Variants in FHIT observed in about 807,000 individuals in gnomAD.
The protein encoded by FHIT is bis(5'-adenosyl)-triphosphatase.
A neutral mutation model predicts 17.9 loss-of-function variants in FHIT; 19 were observed. That is an observed-to-expected ratio of 1.06 (90% CI 0.74 to 1.56). The LOEUF (loss-of-function observed/expected upper bound fraction) is 1.56, where lower values mean the gene tolerates loss of function less well. Ranked by LOEUF, FHIT falls within the 40% of genes most tolerant of loss-of-function variation. The pLI, the probability that FHIT is intolerant of heterozygous loss-of-function variation, is 0.00. For missense variants in FHIT, 248 were observed against 189.2 expected (o/e 1.31, Z -1.82); for synonymous variants, 81 against 69.7 (o/e 1.16, Z -0.81).
chr3:61,125,126 GA>G (rs1318354910), intron 2 of FHIT, among the ~76,000 whole-genome samples: 1 of 152,002 alleles, frequency 6.6e-6, no homozygotes, highest in Non-Finnish European at 1.5e-5. Flanking sequence ...TCAAAAAACT[GA>G]AAAAAATGAT....
intron 5 of FHIT, among the ~76,000 whole-genome samples, chr3:60,021,514 A>G (rs914756124): frequency 2.6e-5 from 4 of 152,220 alleles, no homozygotes; most frequent in Non-Finnish European, 4.4e-5. Flanking sequence ...TATCTGGAAA[A>G]AAATATGCTC....
At chr3:60,789,011 A>G (rs1700678067) in intron 4 of FHIT, among the ~76,000 whole-genome samples, 1 of 151,910 alleles carries the variant, frequency 6.6e-6, no homozygotes, top group Non-Finnish European at 1.5e-5. Context: ...AACACTGGCT[A>G]AAGACATTCC....
chr3:60,652,081 C>T (rs1477705260), intron 4 of FHIT, among the ~76,000 whole-genome samples: 1 of 152,122 alleles, frequency 6.6e-6, no homozygotes, highest in Non-Finnish European at 1.5e-5. Context: ...GGAGGGCCGA[C>T]CTGCCTGGTT....
chr3:60,744,249 A>AAAAAAAAC (rs2042299078), intron 4 of FHIT, among the ~76,000 whole-genome samples: 1 of 67,234 alleles, frequency 1.5e-5, no homozygotes, highest in Non-Finnish European at 2.7e-5. Context: ...AGTAATGTAA[A>AAAAAAAAC]AAAAAAAACA....
intron 5 of FHIT, among the ~76,000 whole-genome samples, chr3:60,417,537 G>C (rs1268303330): frequency 6.6e-6 from 1 of 152,134 alleles, no homozygotes. Flanking sequence ...AAATATAATA[G>C]AAAAACTCAA....
chr3:59,893,337 T>C (rs992993496), intron 8 of FHIT, among the ~76,000 whole-genome samples: 1 of 152,162 alleles, frequency 6.6e-6, no homozygotes, highest in Non-Finnish European at 1.5e-5. Context: ...GGGAAATGCA[T>C]CTCCCTTCAG....
intron 5 of FHIT, among the ~76,000 whole-genome samples, chr3:60,501,489 C>T (rs1352837541): frequency 2.0e-5 from 3 of 152,160 alleles, no homozygotes; most frequent in Non-Finnish European, 4.4e-5. Context: ...TTCTCCAAAT[C>T]TTGACGGTCT....
chr3:60,555,385 T>C (rs1415480113), intron 4 of FHIT, among the ~76,000 whole-genome samples: 1 of 152,224 alleles, frequency 6.6e-6, no homozygotes, highest in Admixed American at 6.5e-5. Context: ...ATGCCTATTA[T>C]ACAACATTAA....
chr3:59,890,714 T>C (rs1222278738), intron 8 of FHIT, among the ~76,000 whole-genome samples: 1 of 152,194 alleles, frequency 6.6e-6, no homozygotes, highest in African/African-American at 2.4e-5. Flanking sequence ...AGAGAAATTA[T>C]AATAAAAATA....
intron 3 of FHIT, among the ~76,000 whole-genome samples, chr3:60,929,463 C>G (rs938535204): frequency 2.0e-5 from 3 of 152,238 alleles, no homozygotes; most frequent in Admixed American, 6.5e-5. Context: ...CTAGAAAACC[C>G]CATCATCTCA....
At chr3:60,714,508 A>T (rs1428423931) in intron 4 of FHIT, among the ~76,000 whole-genome samples, 3 of 152,246 alleles carry the variant, frequency 2.0e-5, no homozygotes, top group African/African-American at 7.2e-5. Context: ...CTGTTTGCAG[A>T]TGACATGATT....
In FHIT at chr3:60,997,517, G is replaced by A. The variant is rs551261263; in HGVS notation, c.-111+44530C>T. Among the ~76,000 whole-genome samples the A allele has an allele frequency of 2.0e-4, 31 of 152,228 alleles. No individual in the cohort carries two copies. The South Asian group carries it at 6.2e-3, about 31-fold the overall frequency. On this transcript the variant is annotated intron_variant, in intron 3 of 9. Coordinates refer to ENST00000492590, the MANE Select transcript of FHIT (RefSeq NM_002012.4). The stretch of plus-strand genomic sequence containing the variant: ...GGGTGGGAGTGTTGAGGGGGGTGTG[G>A]ATGGTGCACTTTTCCTAGTCATCTC...
intron 4 of FHIT, among the ~76,000 whole-genome samples, chr3:60,545,865 TC>T (rs2036343086): frequency 2.4e-4 from 4 of 16,676 alleles, no homozygotes; most frequent in Admixed American, 1.8e-3. Flanking sequence ...TCCAAATCTC[TC>T]TTTGTCTCAT....
intron 5 of FHIT, among the ~76,000 whole-genome samples, chr3:60,487,864 A>C (rs72882105): frequency 0.038 from 5,856 of 152,282 alleles, 352 homozygotes; most frequent in African/African-American, 0.13. Context: ...TCAAAGATAT[A>C]ACCAGGTGAC....
chr3:61,075,370 C>T (rs1436141295), intron 2 of FHIT, among the ~76,000 whole-genome samples: 1 of 150,862 alleles, frequency 6.6e-6, no homozygotes, highest in African/African-American at 2.4e-5. Context: ...TACACACCTA[C>T]CCAGAAAATA....
chr3:60,494,604 C>A (rs2034216003), intron 5 of FHIT, among the ~76,000 whole-genome samples: 1 of 152,122 alleles, frequency 6.6e-6, no homozygotes, highest in South Asian at 2.1e-4. Flanking sequence ...CATACCCACA[C>A]CTCCCTGCCC....
At chr3:60,793,192 T>C (rs1700848335) in intron 4 of FHIT, among the ~76,000 whole-genome samples, 2 of 152,202 alleles carry the variant, frequency 1.3e-5, no homozygotes, top group African/African-American at 4.8e-5. Flanking sequence ...ACATATGACA[T>C]TCATGATTTC....
intron 5 of FHIT, among the ~76,000 whole-genome samples, chr3:60,067,736 G>T (rs764668859): frequency 2.0e-5 from 3 of 152,110 alleles, no homozygotes; most frequent in Non-Finnish European, 4.4e-5. Context: ...GAATTTCCAC[G>T]CGACAGCCCC....
chr3:59,810,443 T>A (rs1434152953), intron 8 of FHIT, among the ~76,000 whole-genome samples: 1 of 152,180 alleles, frequency 6.6e-6, no homozygotes, highest in Admixed American at 6.5e-5. Context: ...TGGCCCCCTA[T>A]CTTAATTATG....
Sources: allele counts gnomAD v4.1 joint callset (sites outside exome capture counted in the v4.1 genomes callset), GRCh38; gene constraint gnomAD v4.1.1; transcripts MANE v1.5; gene names NCBI Gene and HGNC (gene_info 2026-07-23, HGNC 2026-07-21).